The following ZNF626 variants were observed in gnomAD, a reference collection of about 807,000 sequenced individuals.
The protein encoded by ZNF626 is zinc finger protein 626.
In ZNF626, 4 loss-of-function variants were observed where a neutral mutation model predicts 11.7. The ratio of observed to expected loss-of-function variants is 0.34; its 90% confidence interval spans 0.17 to 0.78. ZNF626 has a LOEUF of 0.78. Among genes scored for constraint, ZNF626 ranks in the 30% least tolerant of loss-of-function variants. The pLI, the probability that ZNF626 is intolerant of heterozygous loss-of-function variation, is 0.57. For synonymous variants in ZNF626, 179 were observed against 198.6 expected (o/e 0.90, Z 0.83); for missense variants, 588 against 587.1 (o/e 1.00, Z -0.01).
At chr19:20,661,408 C>G (rs1555773682) in intron 1 of ZNF626, 36 bp downstream of exon 1, 2 of 1,613,650 alleles carry the variant, frequency 1.2e-6, no homozygotes, top group African/African-American at 2.7e-5. Context: ...CAACCAGTCC[C>G]TCTCCTCTCT....
At chr19:20,655,039 G>A (rs1330584616) in intron 1 of ZNF626, among the ~76,000 whole-genome samples, 2 of 151,772 alleles carry the variant, frequency 1.3e-5, no homozygotes, top group African/African-American at 4.8e-5. Flanking sequence ...TTCAACCTGG[G>A]AGGCAGCAGT....
At chr19:20,634,666 G>T (rs782662492) in intron 3 of ZNF626, among the ~76,000 whole-genome samples, 42 of 147,212 alleles carry the variant, frequency 2.9e-4, no homozygotes, top group Non-Finnish European at 5.6e-4. Flanking sequence ...ATCGAAAAAG[G>T]AGTAATATTG....
rs1276879654 is a variant in ZNF626, at chr19:20,620,385, CCAAA to C, written c.*3901_*3904del. ...GAAAATATGTACAAATGCATATTTA[CCAAA>C]CACTCATTTCATAATTTTCTTACAC... On this transcript the variant is annotated 3_prime_UTR_variant, in exon 4 of 4. Coordinates refer to ENST00000601440, the MANE Select transcript of ZNF626 (RefSeq NM_001076675.3). 11 of 152,222 alleles carry C rather than the reference CCAAA, an allele frequency of 7.2e-5. No homozygotes were observed. In the East Asian group the frequency reaches 1.3e-3, roughly 19 times the overall value. The allele number at this position is 152,222 out of a possible 1,614,324, so 9.4% of individuals were successfully genotyped here. A position where few individuals can be genotyped will look rare whatever the true frequency, so the allele number is the denominator to read the frequency against.
intron 1 of ZNF626, among the ~76,000 whole-genome samples, chr19:20,650,564 C>T (rs1970135462): frequency 1.3e-5 from 2 of 152,170 alleles, no homozygotes; most frequent in Admixed American, 1.3e-4. Flanking sequence ...CCAGCCAAAA[C>T]TCTGACCTCT....
intron 1 of ZNF626, among the ~76,000 whole-genome samples, chr19:20,652,699 T>A (rs937169889): frequency 3.3e-5 from 5 of 152,200 alleles, no homozygotes; most frequent in Non-Finnish European, 7.4e-5. Flanking sequence ...CTGAGTTTGA[T>A]AACTAAAAGG....
intron 1 of ZNF626, among the ~76,000 whole-genome samples, chr19:20,655,915 G>T (rs912826225): frequency 5.9e-5 from 9 of 151,274 alleles, no homozygotes; most frequent in African/African-American, 2.2e-4. Context: ...AGCCTGGGTG[G>T]CAGAGCGAGA....
intron 3 of ZNF626, among the ~76,000 whole-genome samples, chr19:20,637,778 T>C (rs1231428694): frequency 2.0e-5 from 3 of 151,974 alleles, no homozygotes; most frequent in African/African-American, 4.8e-5. Flanking sequence ...ATAAAACTAC[T>C]AGAAACACAC....
rs1448342246 is a variant in ZNF626 at position 20,622,551 on chromosome 19, ATAAAG to A, written c.*1734_*1738del. The A allele has an allele frequency of 6.7e-6, 1 of 149,852 alleles. No individual in the cohort carries two copies. The highest frequency in any genetic ancestry group is 2.4e-5 in the African/African-American group (1 of 40,930). The allele number at this position is 149,852 out of a possible 1,614,324, so 9.3% of individuals were successfully genotyped here. ...GATCACATACTTTCACGTGAATATA[ATAAAG>A]TAACAGCATAATTTGAAAGCTGTAT... On this transcript the variant is annotated 3_prime_UTR_variant, in exon 4 of 4. Coordinates refer to ENST00000601440, the MANE Select transcript of ZNF626 (RefSeq NM_001076675.3).
At chr19:20,630,303 T>C (rs1161932571) in intron 3 of ZNF626, among the ~76,000 whole-genome samples, 5 of 152,224 alleles carry the variant, frequency 3.3e-5, no homozygotes, top group African/African-American at 4.8e-5. Context: ...CAAAATGAGT[T>C]AGGGAGGATT....
At chr19:20,652,059 G>A (rs545778098) in intron 1 of ZNF626, among the ~76,000 whole-genome samples, 29 of 152,310 alleles carry the variant, frequency 1.9e-4, no homozygotes, top group Admixed American at 2.0e-4. Context: ...GGAGCTGTAA[G>A]CTGTCTAGGT....
intron 3 of ZNF626, among the ~76,000 whole-genome samples, chr19:20,635,868 C>G (rs532646156): frequency 8.4e-4 from 128 of 152,304 alleles, no homozygotes; most frequent in Non-Finnish European, 1.6e-3. Flanking sequence ...CGAAGTGGCT[C>G]ATGCCTGTAA....
intron 1 of ZNF626, among the ~76,000 whole-genome samples, chr19:20,651,168 C>T (rs1335359849): frequency 7.7e-6 from 1 of 129,436 alleles, no homozygotes; most frequent in East Asian, 2.1e-4. Context: ...GCCTGGGTGA[C>T]AGAGGGAGAC....
intron 1 of ZNF626, among the ~76,000 whole-genome samples, chr19:20,652,479 G>A (rs927108833): frequency 6.6e-6 from 1 of 152,094 alleles, no homozygotes; most frequent in Non-Finnish European, 1.5e-5. Flanking sequence ...GGGCAAAATT[G>A]TTTGTCAGAA....
intron 3 of ZNF626, among the ~76,000 whole-genome samples, chr19:20,627,544 CAAATA>C (rs1256963002): frequency 6.6e-6 from 1 of 151,838 alleles, no homozygotes; most frequent in African/African-American, 2.4e-5. Flanking sequence ...ATATAAGAAT[CAAATA>C]AAACAAATAA....
rs1416014628 is a variant in ZNF626, at chr19:20,622,315, TATA to T, written c.*1972_*1974del. On this transcript the variant is annotated 3_prime_UTR_variant, in exon 4 of 4. Transcript: ENST00000601440. ...GTAAAATAATTGATATACTTTAATT[TATA>T]ATTTCTTTCTCTCAGTATAATGTAG... 5 of 152,226 alleles carry T rather than the reference TATA, an allele frequency of 3.3e-5. No individual in the cohort carries two copies. The highest frequency in any genetic ancestry group is 5.9e-5 in the Non-Finnish European group (4 of 68,030). The allele number at this position is 152,226 out of a possible 1,614,324, so 9.4% of individuals were successfully genotyped here.
chr19:20,622,796 TTC>T lies in ZNF626; in HGVS notation c.*1492_*1493del, dbSNP rs1969772502. ...GTCAGTGCCTTAGTTATTCTGTAAA[TTC>T]TGATATTTACATACAATTAATTTTG... On this transcript the variant is annotated 3_prime_UTR_variant, in exon 4 of 4. Coordinates refer to ENST00000601440, the MANE Select transcript of ZNF626 (RefSeq NM_001076675.3). The T allele has an allele frequency of 6.6e-6, 1 of 152,206 alleles. No homozygotes were observed. Among genetic ancestry groups the T allele is most frequent in the South Asian group, 2.1e-4 (1 of 4,832 alleles). 9.4% of individuals were successfully genotyped at this position (152,206 alleles called of 1,614,324 possible). A position where few individuals can be genotyped will look rare whatever the true frequency, so the allele number is the denominator to read the frequency against.
chr19:20,640,923 C>A (rs1407989985), intron 3 of ZNF626, among the ~76,000 whole-genome samples: 1 of 151,950 alleles, frequency 6.6e-6, no homozygotes, highest in African/African-American at 2.4e-5. Context: ...AAGGTAGGGG[C>A]AGATCACCTG....
In ZNF626 at chr19:20,623,371, T is replaced by A. The variant is rs782651105; in HGVS notation, c.*919A>T. On this transcript the variant is annotated 3_prime_UTR_variant, in exon 4 of 4. Coordinates refer to ENST00000601440, the MANE Select transcript of ZNF626 (RefSeq NM_001076675.3). ...CATATAAAGGCTGTTTCACATTTTA[T>A]ATATTTCTAGGGTTTCACACTAGTA... The A allele has an allele frequency of 1.4e-4, 21 of 152,256 alleles. No individual in the cohort carries two copies. Among genetic ancestry groups the A allele is most frequent in the Non-Finnish European group, 2.6e-4 (18 of 68,044 alleles). The allele number at this position is 152,256 out of a possible 1,614,324, so 9.4% of individuals were successfully genotyped here. A position where few individuals can be genotyped will look rare whatever the true frequency, so the allele number is the denominator to read the frequency against.
intron 1 of ZNF626, among the ~76,000 whole-genome samples, chr19:20,650,591 G>A (rs1249199986): frequency 6.6e-6 from 1 of 152,196 alleles, no homozygotes; most frequent in African/African-American, 2.4e-5. Context: ...TGTGAGACAA[G>A]ACTCCAGGGT....
Sources: gnomAD v4.1 joint callset for allele counts (sites outside exome capture counted in the v4.1 genomes callset) on GRCh38, gnomAD v4.1.1 for gene constraint, MANE v1.5 for transcripts, NCBI Gene and HGNC (gene_info 2026-07-23, HGNC 2026-07-21) for gene names.